Variants in TSPAN18 observed in about 807,000 individuals in gnomAD.
TSPAN18 encodes the protein tetraspanin 18.
Under a neutral mutation model 27.3 loss-of-function variants are expected in TSPAN18, and 14 were observed. That is an observed-to-expected ratio of 0.51 (90% CI 0.34 to 0.80). The LOEUF (loss-of-function observed/expected upper bound fraction) is 0.80, where lower values mean the gene tolerates loss of function less well. Ranked by LOEUF, TSPAN18 falls within the 30% of genes least tolerant of loss-of-function variation. TSPAN18 has a pLI of 0.01. For synonymous variants in TSPAN18, 143 were observed against 136.5 expected, an observed-to-expected ratio of 1.05 and a Z score of -0.33; for missense variants, 268 against 323.9, an observed-to-expected ratio of 0.83 and a Z score of 1.32.
intron 4 of TSPAN18, 85 bp from the exon 5 acceptor site, chr11:44,909,620 C>A: frequency 7.0e-7 from 1 of 1,429,674 alleles, no homozygotes; most frequent in Non-Finnish European, 9.5e-7. Flanking sequence ...GACCCTGGGG[C>A]TGGCTCAGGG....
At chr11:44,896,206 G>T (rs988287438) in intron 3 of TSPAN18, among the ~76,000 whole-genome samples, 1 of 152,034 alleles carries the variant, frequency 6.6e-6, no homozygotes, top group Non-Finnish European at 1.5e-5. Flanking sequence ...ACCTGTGGTA[G>T]CCTGCCTCGT....
intron 2 of TSPAN18, among the ~76,000 whole-genome samples, chr11:44,797,330 G>T (rs566187236): frequency 1.3e-5 from 2 of 152,312 alleles, no homozygotes; most frequent in South Asian, 4.1e-4. Flanking sequence ...CCCCACTGTA[G>T]CCTGATGAGG....
chr11:44,915,546 G>A (rs902565332), intron 5 of TSPAN18, among the ~76,000 whole-genome samples: 1 of 152,174 alleles, frequency 6.6e-6, no homozygotes, highest in African/African-American at 2.4e-5. Context: ...AAGCACAGGA[G>A]CATCTGGCCT....
At chr11:44,867,920 G>C (rs1255414481) in intron 3 of TSPAN18, among the ~76,000 whole-genome samples, 2 of 152,206 alleles carry the variant, frequency 1.3e-5, no homozygotes, top group Non-Finnish European at 2.9e-5. Context: ...CTTTTCCCCA[G>C]GAGCACTGGG....
intron 2 of TSPAN18, among the ~76,000 whole-genome samples, chr11:44,785,881 C>T (rs1856045541): frequency 6.6e-6 from 1 of 152,224 alleles, no homozygotes; most frequent in Non-Finnish European, 1.5e-5. Context: ...AACTTGCTGG[C>T]AGAGGGTTGC....
At chr11:44,836,189 C>T (rs561717750) in intron 2 of TSPAN18, among the ~76,000 whole-genome samples, 1 of 152,342 alleles carries the variant, frequency 6.6e-6, no homozygotes, top group South Asian at 2.1e-4. Flanking sequence ...AGGCCGAAAG[C>T]TAGGCTTCTT....
intron 3 of TSPAN18, among the ~76,000 whole-genome samples, chr11:44,878,303 C>T (rs1008390361): frequency 6.6e-6 from 1 of 152,226 alleles, no homozygotes; most frequent in African/African-American, 2.4e-5. Context: ...TGAGGGGCGC[C>T]GCCCCAGGAG....
chr11:44,770,668 G>A (rs921405451), intron 2 of TSPAN18, among the ~76,000 whole-genome samples: 27 of 152,234 alleles, frequency 1.8e-4, no homozygotes, highest in African/African-American at 6.5e-4. Flanking sequence ...GATCACTCTG[G>A]CTGCTGGGTG....
At chr11:44,867,044 G>T (rs1462158382) in intron 3 of TSPAN18, among the ~76,000 whole-genome samples, 4 of 152,190 alleles carry the variant, frequency 2.6e-5, no homozygotes, top group Non-Finnish European at 5.9e-5. Flanking sequence ...GAGACTGGAG[G>T]TAAAAAAATA....
chr11:44,919,783 G>A, intron 7 of TSPAN18, 34 bp from the exon 8 acceptor site: 3 of 1,610,342 alleles, frequency 1.9e-6, no homozygotes, highest in Non-Finnish European at 8.5e-7. Flanking sequence ...TCCTCCTCCT[G>A]CCCACCAGAA....
At chr11:44,910,980 C>G (rs1859689601) in intron 5 of TSPAN18, among the ~76,000 whole-genome samples, 1 of 152,228 alleles carries the variant, frequency 6.6e-6, no homozygotes, top group Admixed American at 6.5e-5. Flanking sequence ...CCAAACCAGA[C>G]AAGCAGTGGG....
At chr11:44,889,862 C>T (rs767614056) in intron 3 of TSPAN18, among the ~76,000 whole-genome samples, 4 of 152,206 alleles carry the variant, frequency 2.6e-5, no homozygotes, top group African/African-American at 7.2e-5. Flanking sequence ...ATTGAGCCTG[C>T]AGAATCCAAA....
chr11:44,923,346 A>G (rs1018806317), intron 8 of TSPAN18, among the ~76,000 whole-genome samples: 8 of 151,986 alleles, frequency 5.3e-5, no homozygotes, highest in Admixed American at 1.3e-4. Flanking sequence ...GAGAGGGAGG[A>G]TGGCACTGGC....
At chr11:44,855,913 C>T (rs1857725464) in intron 2 of TSPAN18, among the ~76,000 whole-genome samples, 1 of 151,714 alleles carries the variant, frequency 6.6e-6, no homozygotes, top group Non-Finnish European at 1.5e-5. Context: ...GACAGAGTCT[C>T]ATTCTGTCAC....
intron 3 of TSPAN18, among the ~76,000 whole-genome samples, chr11:44,867,967 G>A (rs1858085464): frequency 6.6e-6 from 1 of 152,220 alleles, no homozygotes; most frequent in African/African-American, 2.4e-5. Context: ...AGGAGGACAG[G>A]TGATGCCCTG....
intron 2 of TSPAN18, among the ~76,000 whole-genome samples, chr11:44,776,489 G>A (rs988701973): frequency 9.2e-5 from 14 of 152,136 alleles, no homozygotes; most frequent in African/African-American, 3.1e-4. Flanking sequence ...ATGTGGGTGG[G>A]CTGCAGACCA....
chr11:44,800,012 T>G lies in TSPAN18; in HGVS notation c.-153+35500T>G, dbSNP rs868324040. 1.0e-2 allele frequency among the ~76,000 whole-genome samples: 1,474 copies of G among 147,742 alleles called. 21 individuals carry two copies. The highest frequency in any genetic ancestry group is 0.035 in the African/African-American group (1,393 of 40,256). On this transcript the variant is annotated intron_variant, in intron 2 of 9. Transcript: ENST00000520358. The stretch of plus-strand genomic sequence containing the variant: ...CACCCGGCTAATTTTTTGTGTTTTT[T>G]TTTTTTTTTTTTTTTTGTATTTTTA...
chr11:44,867,037 A>G (rs1209916872), intron 3 of TSPAN18, among the ~76,000 whole-genome samples: 1 of 152,222 alleles, frequency 6.6e-6, no homozygotes, highest in Admixed American at 6.5e-5. Context: ...TCTTTCAGAG[A>G]CTGGAGGTAA....
At position 44,750,792 on chromosome 11, in the gene TSPAN18, A is replaced by T. The variant is rs143170956; in HGVS notation, c.-239-13634A>T. Among the ~76,000 whole-genome samples the T allele has an allele frequency of 7.9e-4, 120 of 152,356 alleles. 2 individuals are homozygous for T. In the East Asian group the frequency reaches 0.018, roughly 22 times the overall value. ...ATGAGGAGCAGCGAAAGAAAGATGG[A>T]TGCTTGCAAGACATCTGGGACATTG... On this transcript the variant is annotated intron_variant, in intron 1 of 9. Coordinates refer to ENST00000520358, the MANE Select transcript of TSPAN18 (RefSeq NM_130783.5).
Sources: allele counts gnomAD v4.1 joint callset (sites outside exome capture counted in the v4.1 genomes callset), GRCh38; gene constraint gnomAD v4.1.1; transcripts MANE v1.5; gene names NCBI Gene and HGNC (gene_info 2026-07-23, HGNC 2026-07-21).